Variants in SGMS1 observed in about 807,000 individuals in gnomAD.
SGMS1 encodes sphingomyelin synthase 1.
Under a neutral mutation model 46.2 loss-of-function variants are expected in SGMS1, and 13 were observed. The observed-to-expected ratio is 0.28, with a 90% CI of 0.18 to 0.45. SGMS1 has a LOEUF of 0.45. Ranked by LOEUF, SGMS1 falls within the 20% of genes least tolerant of loss-of-function variation. SGMS1 has a pLI of 1.00. For missense variants in SGMS1, 324 were observed against 519.9 expected, an observed-to-expected ratio of 0.62 and a Z score of 3.66; for synonymous variants, 203 against 187.8, an observed-to-expected ratio of 1.08 and a Z score of -0.66.
At chr10:50,390,704 T>C (rs1164072146) in intron 6 of SGMS1, among the ~76,000 whole-genome samples, 2 of 152,246 alleles carry the variant, frequency 1.3e-5, no homozygotes, top group Non-Finnish European at 2.9e-5. Flanking sequence ...AAATCTTTTT[T>C]GGAATTACTC....
chr10:50,536,654 C>G (rs1469340788), intron 2 of SGMS1, among the ~76,000 whole-genome samples: 4 of 152,292 alleles, frequency 2.6e-5, no homozygotes, highest in Admixed American at 2.6e-4. Flanking sequence ...GATTAATGCC[C>G]TTCCAGGTCT....
chr10:50,537,964 G>A (rs12098632), intron 2 of SGMS1, among the ~76,000 whole-genome samples: 1,750 of 152,136 alleles, frequency 0.012, 31 homozygotes, highest in African/African-American at 0.041. Context: ...CATATTAAAT[G>A]TTTGGTCAGT....
At chr10:50,478,832 C>T (rs940663806) in intron 3 of SGMS1, among the ~76,000 whole-genome samples, 6 of 152,072 alleles carry the variant, frequency 3.9e-5, no homozygotes, top group African/African-American at 1.4e-4. Context: ...AAGCTTCACA[C>T]AAATGTAAAA....
chr10:50,625,007 G>C, upstream of SGMS1: 2 of 1,016,452 alleles, frequency 2.0e-6, no homozygotes, highest in Non-Finnish European at 2.4e-6. Flanking sequence ...GAGCTGGCGG[G>C]ACCGTCCTCC....
In SGMS1 at chr10:50,331,551, A is replaced by G. The variant is rs147067588; in HGVS notation, c.624-4229T>C. On this transcript the variant is annotated intron_variant, in intron 7 of 10. Coordinates refer to ENST00000361781, the MANE Select transcript of SGMS1 (RefSeq NM_147156.4). The stretch of plus-strand genomic sequence containing the variant: ...CATTATTTTTTGTAGTCTTGTGCCC[A>G]GTTAGATTTGCTTATTACCACCTCG... Among the ~76,000 whole-genome samples the G allele has an allele frequency of 2.0e-5, 3 of 152,306 alleles. No homozygotes were observed. In the East Asian group the frequency reaches 5.8e-4, roughly 29 times the overall value.
chr10:50,527,895 G>A (rs988665781), intron 2 of SGMS1, among the ~76,000 whole-genome samples: 4 of 152,080 alleles, frequency 2.6e-5, no homozygotes, highest in South Asian at 2.1e-4. Context: ...GTCCTCCAAC[G>A]GCAGCTCTGT....
intron 1 of SGMS1, among the ~76,000 whole-genome samples, chr10:50,600,411 T>C (rs1190750828): frequency 1.3e-5 from 2 of 152,220 alleles, no homozygotes; most frequent in African/African-American, 4.8e-5. Flanking sequence ...ACTCAGGCTA[T>C]TAGTGACACG....
intron 2 of SGMS1, among the ~76,000 whole-genome samples, chr10:50,571,608 T>G (rs1838337182): frequency 6.6e-6 from 1 of 152,286 alleles, no homozygotes; most frequent in Admixed American, 6.6e-5. Context: ...ACATCTGCTG[T>G]GTATTTAACG....
intron 2 of SGMS1, among the ~76,000 whole-genome samples, chr10:50,537,695 G>C (rs1588869438): frequency 6.6e-6 from 1 of 151,576 alleles, no homozygotes; most frequent in East Asian, 1.9e-4. Context: ...GTTTCAGTGG[G>C]ACTACATGCT....
At chr10:50,338,273 C>T (rs1195506941) in intron 7 of SGMS1, among the ~76,000 whole-genome samples, 2 of 152,126 alleles carry the variant, frequency 1.3e-5, no homozygotes, top group Non-Finnish European at 2.9e-5. Flanking sequence ...CCCAACTGTC[C>T]AATGGTTTCT....
chr10:50,404,230 T>G (rs750430068), intron 6 of SGMS1, among the ~76,000 whole-genome samples: 5 of 151,984 alleles, frequency 3.3e-5, no homozygotes, highest in Non-Finnish European at 7.4e-5. Context: ...CTTACCAGAT[T>G]GGCAAAAATG....
intron 3 of SGMS1, among the ~76,000 whole-genome samples, chr10:50,467,984 A>G (rs953770419): frequency 6.6e-6 from 1 of 152,140 alleles, no homozygotes; most frequent in Admixed American, 6.6e-5. Flanking sequence ...GACTTCTGGG[A>G]ATAAGATGGG....
chr10:50,343,875 A>G lies in SGMS1; in HGVS notation c.240T>C (p.His80=). 6.2e-7 allele frequency: 1 copy of G among 1,614,156 alleles called. No homozygotes were observed. Among genetic ancestry groups the G allele is most frequent in the Non-Finnish European group, 8.5e-7 (1 of 1,180,032 alleles). Residue 80 remains histidine (H), a synonymous_variant, in exon 7 of 11, where the codon CAT becomes CAC. Transcript: ENST00000361781. ...CGCCAATGTTGAGGTGCCCATTGGCATGGCCGTTCTTGTGTGCTTCCAAAT... is the reference window on the plus strand; with the variant it reads ...CGCCAATGTTGAGGTGCCCATTGGCGTGGCCGTTCTTGTGTGCTTCCAAAT... ...EHHLEAHKNG[H]ANGHLNIGVD...
intron 6 of SGMS1, among the ~76,000 whole-genome samples, chr10:50,370,237 A>G (rs1454152598): frequency 2.6e-5 from 4 of 152,132 alleles, no homozygotes; most frequent in Non-Finnish European, 5.9e-5. Context: ...TCTTTCTTCA[A>G]TAATAAATTA....
At chr10:50,452,633 C>T (rs191750536) in intron 5 of SGMS1, among the ~76,000 whole-genome samples, 94 of 152,082 alleles carry the variant, frequency 6.2e-4, no homozygotes, top group African/African-American at 2.2e-3. Flanking sequence ...AGGCCACAAC[C>T]CTAGTAATAC....
intron 2 of SGMS1, among the ~76,000 whole-genome samples, chr10:50,528,241 C>T (rs1157647293): frequency 3.3e-5 from 5 of 152,114 alleles, no homozygotes; most frequent in African/African-American, 4.8e-5. Context: ...TTTCAAAATG[C>T]TAGAGAATAA....
intron 5 of SGMS1, among the ~76,000 whole-genome samples, chr10:50,436,574 T>C (rs1849476428): frequency 6.6e-6 from 1 of 152,182 alleles, no homozygotes; most frequent in African/African-American, 2.4e-5. Flanking sequence ...CTGGCTGTGA[T>C]TGTTACAAGC....
chr10:50,593,071 C>T (rs1013815820), intron 1 of SGMS1, among the ~76,000 whole-genome samples: 12 of 152,146 alleles, frequency 7.9e-5, no homozygotes, highest in Non-Finnish European at 1.8e-4. Flanking sequence ...TCTCTGTTTT[C>T]GGAGGGAAGC....
chr10:50,611,592 C>T (rs1190230631), intron 1 of SGMS1, among the ~76,000 whole-genome samples: 1 of 152,228 alleles, frequency 6.6e-6, no homozygotes, highest in African/African-American at 2.4e-5. Flanking sequence ...TTCCTCACTG[C>T]CCTCACCTAC....
Sources: allele counts gnomAD v4.1 joint callset (sites outside exome capture counted in the v4.1 genomes callset), GRCh38; gene constraint gnomAD v4.1.1; transcripts MANE v1.5; gene names NCBI Gene and HGNC (gene_info 2026-07-23, HGNC 2026-07-21).